The following ADGRL3 variants were observed in gnomAD, a reference collection of about 807,000 sequenced individuals.
The protein encoded by ADGRL3 is calcium-independent alpha-latrotoxin receptor 3.
Under a neutral mutation model 153.5 loss-of-function variants are expected in ADGRL3, and 62 were observed. The observed-to-expected ratio is 0.40, with a 90% CI of 0.33 to 0.50. The LOEUF is 0.50. Ranked by LOEUF, ADGRL3 falls within the 20% of genes least tolerant of loss-of-function variation. ADGRL3 has a pLI of 0.47. For missense variants in ADGRL3, 1,641 were observed against 1,859.4 expected, an observed-to-expected ratio of 0.88 and a Z score of 2.16; for synonymous variants, 710 against 672.5, an observed-to-expected ratio of 1.06 and a Z score of -0.86.
At chr4:61,487,620 T>A (rs1050207409) in intron 2 of ADGRL3, among the ~76,000 whole-genome samples, 10 of 152,104 alleles carry the variant, frequency 6.6e-5, no homozygotes, top group Non-Finnish European at 1.2e-4. Context: ...CTAGTAGACT[T>A]GGAATCATAA....
chr4:61,520,444 C>A (rs1284794574), intron 4 of ADGRL3, among the ~76,000 whole-genome samples: 3 of 152,104 alleles, frequency 2.0e-5, no homozygotes, highest in African/African-American at 7.2e-5. Flanking sequence ...GCATTTCAGT[C>A]CTGACAAAAC....
At chr4:61,990,961 T>TGTGTGTGTGC (rs1553903866) in intron 19 of ADGRL3, among the ~76,000 whole-genome samples, 10 of 87,648 alleles carry the variant, frequency 1.1e-4, no homozygotes, top group Admixed American at 1.1e-3. Flanking sequence ...ACTGTGTGTG[T>TGTGTGTGTGC]GTGTGTGTGT....
chr4:61,744,464 C>T (rs1040799627), intron 8 of ADGRL3, among the ~76,000 whole-genome samples: 35 of 152,004 alleles, frequency 2.3e-4, no homozygotes, highest in African/African-American at 8.4e-4. Context: ...GAGGCACCCC[C>T]CAGTAGGGGC....
rs1400465993 is a variant in ADGRL3, at chr4:61,587,457, A to C, written c.473+17A>C. 6.4e-7 allele frequency: 1 copy of C among 1,561,084 alleles called. No individual in the cohort carries two copies. The highest frequency in any genetic ancestry group is 1.7e-5 in the Admixed American group (1 of 59,006). ...GTCTCAAAGGTATGATACTTCTAATATTCTTTTCTTTGTGCACAATATAAA... is the reference window on the plus strand; with the variant it reads ...GTCTCAAAGGTATGATACTTCTAATCTTCTTTTCTTTGTGCACAATATAAA... On this transcript the variant is annotated intron_variant, in intron 5 of 26. Transcript: ENST00000683033.
chr4:61,617,805 C>T lies in ADGRL3; in HGVS notation c.473+30365C>T, dbSNP rs571657372. 3.9e-5 allele frequency among the ~76,000 whole-genome samples: 6 copies of T among 152,302 alleles called. No homozygotes were observed. In the South Asian group the frequency reaches 6.2e-4, roughly 16 times the overall value. Reference sequence around the variant, plus strand: ...TTTCTTCCCTAAGCAAAATCCTCAACGTATTCTCTGTTAACATGTGTTATA... The same window carrying T: ...TTTCTTCCCTAAGCAAAATCCTCAATGTATTCTCTGTTAACATGTGTTATA... On this transcript the variant is annotated intron_variant, in intron 5 of 26. Transcript: ENST00000683033.
chr4:61,302,518 C>A (rs1477710194), intron 1 of ADGRL3, among the ~76,000 whole-genome samples: 6 of 151,446 alleles, frequency 4.0e-5, no homozygotes, highest in Non-Finnish European at 7.4e-5. Flanking sequence ...TCTCTTTTTT[C>A]CTTGTCTTTC....
chr4:61,609,002 T>C (rs931689676), intron 5 of ADGRL3, among the ~76,000 whole-genome samples: 3 of 151,408 alleles, frequency 2.0e-5, no homozygotes, highest in Non-Finnish European at 4.4e-5. Context: ...AAAAATTGTC[T>C]TTTTTTTCTT....
chr4:62,058,372 A>C lies in ADGRL3; in HGVS notation c.3815-9794A>C, dbSNP rs554212115. 3.3e-5 allele frequency among the ~76,000 whole-genome samples: 5 copies of C among 152,290 alleles called. 1 individual carries two copies. In the East Asian group the frequency reaches 7.7e-4, roughly 24 times the overall value. On this transcript the variant is annotated intron_variant, in intron 25 of 26. Transcript: ENST00000683033. ...GCTGGACAATTGACACTCTTAAAAA[A>C]TTTACTAAAATTATAAGACTACTCA...
intron 2 of ADGRL3, among the ~76,000 whole-genome samples, chr4:61,442,660 G>T (rs1219306000): frequency 1.3e-5 from 2 of 152,044 alleles, no homozygotes; most frequent in African/African-American, 2.4e-5. Context: ...TGAACATCTG[G>T]GTTGGGTGAT....
At chr4:61,761,752 C>T (rs193229148) in intron 8 of ADGRL3, among the ~76,000 whole-genome samples, 430 of 152,048 alleles carry the variant, frequency 2.8e-3, no homozygotes, top group African/African-American at 9.6e-3. Flanking sequence ...CAACAAAGTG[C>T]GACCCCATCT....
chr4:61,908,136 C>A (rs1232757635), intron 11 of ADGRL3, among the ~76,000 whole-genome samples: 1 of 151,960 alleles, frequency 6.6e-6, no homozygotes, highest in Non-Finnish European at 1.5e-5. Flanking sequence ...ATTAGCCAGG[C>A]ATAGTGGGTG....
At chr4:61,623,093 G>C (rs188514227) in intron 5 of ADGRL3, among the ~76,000 whole-genome samples, 21 of 152,200 alleles carry the variant, frequency 1.4e-4, no homozygotes, top group Admixed American at 2.6e-4. Context: ...TTATAACCAA[G>C]CATTAATCTT....
intron 8 of ADGRL3, among the ~76,000 whole-genome samples, chr4:61,777,088 A>G (rs2097160226): frequency 1.3e-5 from 2 of 152,198 alleles, no homozygotes; most frequent in Admixed American, 1.3e-4. Context: ...GTAACCCAGC[A>G]CTTTGGGAGG....
chr4:61,241,899 A>T (rs1168815978), intron 1 of ADGRL3, among the ~76,000 whole-genome samples: 1 of 152,102 alleles, frequency 6.6e-6, no homozygotes, highest in Admixed American at 6.6e-5. Context: ...GTCAGAATAG[A>T]TCTGATAATG....
At chr4:61,749,438 T>C (rs576059231) in intron 8 of ADGRL3, among the ~76,000 whole-genome samples, 1 of 152,130 alleles carries the variant, frequency 6.6e-6, no homozygotes, top group East Asian at 1.9e-4. Flanking sequence ...CTATGCACAA[T>C]AGCAAAGACT....
At chr4:61,415,350 A>G (rs1282095381) in intron 2 of ADGRL3, among the ~76,000 whole-genome samples, 1 of 152,022 alleles carries the variant, frequency 6.6e-6, no homozygotes, top group Non-Finnish European at 1.5e-5. Flanking sequence ...TGTTTATTTT[A>G]GGAGGATTTG....
intron 1 of ADGRL3, among the ~76,000 whole-genome samples, chr4:61,343,435 A>G (rs1469526568): frequency 6.6e-6 from 1 of 152,100 alleles, no homozygotes; most frequent in Non-Finnish European, 1.5e-5. Flanking sequence ...TTATCCCTCA[A>G]TCACAGCAGC....
At chr4:61,238,118 G>C (rs1753522930) in intron 1 of ADGRL3, among the ~76,000 whole-genome samples, 1 of 152,162 alleles carries the variant, frequency 6.6e-6, no homozygotes, top group South Asian at 2.1e-4. Flanking sequence ...AGCAGATGCT[G>C]AGATTAGCAT....
intron 4 of ADGRL3, among the ~76,000 whole-genome samples, chr4:61,578,690 T>G (rs1300299595): frequency 6.6e-6 from 1 of 152,028 alleles, no homozygotes; most frequent in Non-Finnish European, 1.5e-5. Flanking sequence ...TATTTTACTA[T>G]CCCCTCTCCG....
Sources: allele counts gnomAD v4.1 joint callset (sites outside exome capture counted in the v4.1 genomes callset), GRCh38; gene constraint gnomAD v4.1.1; transcripts MANE v1.5; gene names NCBI Gene and HGNC (gene_info 2026-07-23, HGNC 2026-07-21).